ATG16L2: variants seen among roughly 807,000 people sequenced by gnomAD.
ATG16L2 encodes protein Atg16l2.
ATG16L2 carries 77 observed loss-of-function variants against 84.7 expected under a neutral mutation model. That is an observed-to-expected ratio of 0.91 (90% CI 0.76 to 1.10). ATG16L2 has a LOEUF of 1.10. Ranked by LOEUF, ATG16L2 falls within the 50% of genes least tolerant of loss-of-function variation. The pLI is 0.00. For missense variants in ATG16L2, 782 were observed against 817.6 expected (o/e 0.96, Z 0.53); for synonymous variants, 361 against 342.8 (o/e 1.05, Z -0.59).
At chr11:72,829,170 G>C (rs1860534143) in intron 17 of ATG16L2, 133 bp from the exon 18 acceptor site, 2 of 1,145,458 alleles carry the variant, frequency 1.7e-6, no homozygotes, top group African/African-American at 1.5e-5. Flanking sequence ...ACAGCCCTGT[G>C]AGCTAACTTG....
At chr11:72,814,633 G>A in intron 1 of ATG16L2, 70 bp downstream of exon 1, 15 of 1,317,186 alleles carry the variant, frequency 1.1e-5, no homozygotes, top group Non-Finnish European at 1.5e-5. Flanking sequence ...GAGAGGGTTT[G>A]GCTGGCTCCT....
chr11:72,820,717 A>G (rs1859942288), intron 3 of ATG16L2, among the ~76,000 whole-genome samples: 1 of 152,038 alleles, frequency 6.6e-6, no homozygotes, highest in South Asian at 2.1e-4. Context: ...ACAGGAACAG[A>G]TTAGCAACAA....
At chr11:72,814,693 A>T in intron 1 of ATG16L2, 130 bp downstream of exon 1, 1 of 657,444 alleles carries the variant, frequency 1.5e-6, no homozygotes, top group Non-Finnish European at 2.3e-6. Flanking sequence ...CCTGTGCGTT[A>T]CGCCCATCCC....
intron 14 of ATG16L2, among the ~76,000 whole-genome samples, chr11:72,827,521 T>C (rs1301561218): frequency 3.9e-5 from 6 of 152,220 alleles, no homozygotes; most frequent in Non-Finnish European, 8.8e-5. Context: ...CGCCTGGACC[T>C]TGCAACCAAG....
intron 14 of ATG16L2, 89 bp from the exon 15 acceptor site, chr11:72,828,270 G>A (rs1001103256): frequency 1.3e-6 from 2 of 1,502,162 alleles, no homozygotes; most frequent in Admixed American, 3.6e-5. Flanking sequence ...GACTTGGTTA[G>A]CTAGGAAGGC....
At chr11:72,841,841 C>A (rs1039000492) in intron 5 of ATG16L2, among the ~76,000 whole-genome samples, 1 of 152,164 alleles carries the variant, frequency 6.6e-6, no homozygotes, top group African/African-American at 2.4e-5. Flanking sequence ...AGTGAAGCTA[C>A]TCTCTAGGGT....
At position 72,829,340 on chromosome 11, in the gene ATG16L2, A is replaced by G. The variant is rs1289808472; in HGVS notation, c.1810A>G (p.Ser604Gly). 6.2e-7 allele frequency: 1 copy of G among 1,613,030 alleles called. No homozygotes were observed. The highest frequency in any genetic ancestry group is 8.5e-7 in the Non-Finnish European group (1 of 1,179,852). Residue 604 changes from serine to glycine, a missense_variant, in exon 18 of 18, where the codon AGC (serine) becomes GGC (glycine). By Grantham distance (56) the Ser-to-Gly change is moderately conservative (BLOSUM62 0). Transcript: ENST00000321297. ...CGCCGTGGCCTGGTGCTACTCCGGG[A>G]GCCACATGGTGAGCGTGGACCAGGG... ...VNAVAWCYSG[S>G]HMVSVDQGRK... is the part of the protein sequence containing the mutation.
intron 7 of ATG16L2, 35 bp from the exon 8 acceptor site, chr11:72,824,025 A>G (rs749292068): frequency 6.2e-7 from 1 of 1,612,264 alleles, no homozygotes; most frequent in Admixed American, 1.7e-5. Context: ...CACACCAGCC[A>G]GTCCCTTAGC....
intron 2 of ATG16L2, among the ~76,000 whole-genome samples, chr11:72,817,253 T>G (rs571390562): frequency 9.9e-5 from 15 of 152,058 alleles, no homozygotes; most frequent in African/African-American, 3.6e-4. Flanking sequence ...TTTTTTTTTT[T>G]GAGACGGAGT....
Position 72,822,572 on chromosome 11 carries a change from C to T in ATG16L2, c.710+29C>T. 2 of 1,605,886 alleles carry T rather than the reference C, an allele frequency of 1.2e-6. No individual in the cohort carries two copies. Among genetic ancestry groups the T allele is most frequent in the Non-Finnish European group, 1.7e-6 (2 of 1,176,510 alleles). On this transcript the variant is annotated intron_variant, in intron 6 of 17. Transcript: ENST00000321297. This position sits in a 1 kb window ranked among gnomAD's most constrained non-coding sequence, Gnocchi z 4.2. ...AGAGTGGGGATGGGCCGGTCCGACC[C>T]TTGCGTTCTGCCTCCCGCCCCGCCT...
intron 5 of ATG16L2, chr11:72,840,860 C>T: frequency 6.4e-7 from 1 of 1,562,114 alleles, no homozygotes; most frequent in Non-Finnish European, 8.8e-7. Context: ...GATAATCCTG[C>T]AAGATCAGAG....
At chr11:72,823,732 C>T in intron 7 of ATG16L2, 1 of 491,282 alleles carries the variant, frequency 2.0e-6, no homozygotes, top group Non-Finnish European at 4.0e-6. Context: ...CATCCCCAGC[C>T]TGGGGGAACC....
Position 72,836,703 on chromosome 11 carries a change from G to A in ATG16L2, c.*22-5914G>A, listed in dbSNP as rs548398323. The A allele has an allele frequency of 5.9e-5, 9 of 152,662 alleles. No homozygotes were observed. The East Asian group carries it at 7.7e-4, about 13-fold the overall frequency. 9.5% of individuals were successfully genotyped at this position (152,662 alleles called of 1,614,324 possible). A position where few individuals can be genotyped will look rare whatever the true frequency, so the allele number is the denominator to read the frequency against. On this transcript the variant is annotated intron_variant, in intron 5 of 5. Transcript: ENST00000534905. ...TAAGAAGCATGGGCCTTTTGGAAAG[G>A]TCTGTTTACCCAAACCTTTCTATAT... is the stretch of plus-strand genomic sequence containing the variant.
In ATG16L2 at chr11:72,822,148, C is replaced by T; in HGVS notation, c.497C>T (p.Ala166Val). Reference sequence around the variant, plus strand: ...GCGCAGAATGCGGTGCAGCGGGCAGCCTACGAGGCGCTGCGCGCGCACGTC... The same window carrying T: ...GCGCAGAATGCGGTGCAGCGGGCAGTCTACGAGGCGCTGCGCGCGCACGTC... ...WRAQNAVQRA[A>V]YEALRAHVGL... The change falls in exon 5 of 18, where the codon GCC becomes GTC. Residue 166 changes from alanine to valine, a missense_variant. Physicochemically the swap from Ala to Val is moderately conservative, Grantham distance 64. Coordinates refer to ENST00000321297, the MANE Select transcript of ATG16L2 (RefSeq NM_033388.2). This position sits in a 1 kb window ranked among gnomAD's most constrained non-coding sequence, Gnocchi z 4.2. 1 of 1,493,640 alleles carries T rather than the reference C, an allele frequency of 6.7e-7. No individual in the cohort carries two copies. Among genetic ancestry groups the T allele is most frequent in the South Asian group, 1.3e-5 (1 of 78,454 alleles). The allele number at this position is 1,493,640 out of a possible 1,614,324, so 92.5% of individuals were successfully genotyped here.
intron 5 of ATG16L2, chr11:72,836,643 T>C (rs1860737083): frequency 6.5e-6 from 1 of 152,738 alleles, no homozygotes; most frequent in Non-Finnish European, 1.5e-5. Context: ...CTCTGTCTGT[T>C]AGCTGGTTTA....
intron 5 of ATG16L2, among the ~76,000 whole-genome samples, chr11:72,840,374 C>T (rs1054115939): frequency 3.9e-5 from 6 of 152,134 alleles, no homozygotes; most frequent in African/African-American, 1.2e-4. Context: ...GATTACCGTG[C>T]AAGTTATGAC....
chr11:72,821,439 C>G lies in ATG16L2; in HGVS notation c.319-229C>G, dbSNP rs1182787706. ...GTAGGGTCGCAGAGAAACGAAGCGG[C>G]ACGGCGAGGATTGGGACCCAGGGCT... is the stretch of plus-strand genomic sequence containing the variant. On this transcript the variant is annotated intron_variant, in intron 3 of 17. Transcript: ENST00000321297. 7 of 1,357,350 alleles carry G rather than the reference C, an allele frequency of 5.2e-6. No homozygotes were observed. In the East Asian group the frequency reaches 2.0e-4, roughly 39 times the overall value. 84.1% of individuals were successfully genotyped at this position (1,357,350 alleles called of 1,614,324 possible).
chr11:72,838,758 G>A (rs771853466), intron 5 of ATG16L2: 3 of 1,550,804 alleles, frequency 1.9e-6, no homozygotes, highest in East Asian at 4.6e-5. Context: ...GCCTGGCCTT[G>A]ATTGTAGCAG....
At chr11:72,843,584 G>T (rs1861032935) in exon 6 of ATG16L2, 1 of 1,214,694 alleles carries the variant, frequency 8.2e-7, no homozygotes, top group Non-Finnish European at 1.2e-6. Context: ...ATAAGGAGCA[G>T]ATGTGAGCTG....
Sources: allele counts gnomAD v4.1 joint callset (sites outside exome capture counted in the v4.1 genomes callset), GRCh38; gene constraint gnomAD v4.1.1; non-coding constraint Gnocchi (gnomAD v3.1); transcripts MANE v1.5; gene names NCBI Gene and HGNC (gene_info 2026-07-23, HGNC 2026-07-21).